The following CELF4 variants were observed in gnomAD, a reference collection of about 807,000 sequenced individuals.
CELF4 encodes CUGBP Elav-like family member 4.
A neutral mutation model predicts 59.9 loss-of-function variants in CELF4; 18 were observed. The observed-to-expected ratio is 0.30, with a 90% CI of 0.21 to 0.45. CELF4 has a LOEUF of 0.45. Among genes scored for constraint, CELF4 ranks in the 20% least tolerant of loss-of-function variants. The pLI is 1.00. For missense variants in CELF4, 456 were observed against 689.0 expected, an observed-to-expected ratio of 0.66 and a Z score of 3.79; for synonymous variants, 261 against 267.1, an observed-to-expected ratio of 0.98 and a Z score of 0.22.
chr18:37,278,289 A>G (rs2093656424), intron 3 of CELF4, among the ~76,000 whole-genome samples: 1 of 152,186 alleles, frequency 6.6e-6, no homozygotes, highest in African/African-American at 2.4e-5. Flanking sequence ...GATACCAAAG[A>G]CACCCAGCTT....
At chr18:37,250,762 A>G (rs2064999711) in intron 12 of CELF4, among the ~76,000 whole-genome samples, 1 of 152,148 alleles carries the variant, frequency 6.6e-6, no homozygotes, top group African/African-American at 2.4e-5. Context: ...GAAGCTCTCT[A>G]TCTCTTCTTA....
At chr18:37,560,833 T>C (rs1219937164) in intron 1 of CELF4, among the ~76,000 whole-genome samples, 1 of 152,122 alleles carries the variant, frequency 6.6e-6, no homozygotes, top group African/African-American at 2.4e-5. Context: ...CAACGAACCA[T>C]CTTGGGTAAA....
chr18:37,492,194 C>G (rs772851752), intron 1 of CELF4, among the ~76,000 whole-genome samples: 3 of 152,190 alleles, frequency 2.0e-5, no homozygotes, highest in South Asian at 4.1e-4. Flanking sequence ...GAAAGCTGGG[C>G]GGTGGGGAAT....
chr18:37,441,912 G>A (rs923684892), intron 2 of CELF4, among the ~76,000 whole-genome samples: 1 of 151,958 alleles, frequency 6.6e-6, no homozygotes, highest in Non-Finnish European at 1.5e-5. Flanking sequence ...GACCCTAGAT[G>A]ACACGGTGCG....
intron 2 of CELF4, among the ~76,000 whole-genome samples, chr18:37,376,260 C>T (rs2098967672): frequency 6.6e-6 from 1 of 152,128 alleles, no homozygotes; most frequent in Admixed American, 6.5e-5. Context: ...ATCTACCTTT[C>T]AAGAGGCCAA....
intron 10 of CELF4, among the ~76,000 whole-genome samples, chr18:37,261,046 G>C (rs2074011905): frequency 1.3e-5 from 2 of 152,006 alleles, no homozygotes; most frequent in South Asian, 4.2e-4. Flanking sequence ...ATGTGCCCTT[G>C]GTGGCCCCCA....
At chr18:37,396,678 G>T (rs1196087227) in intron 2 of CELF4, among the ~76,000 whole-genome samples, 1 of 152,134 alleles carries the variant, frequency 6.6e-6, no homozygotes, top group African/African-American at 2.4e-5. Flanking sequence ...TGGATGAGGC[G>T]GGTGACTGGA....
chr18:37,557,547 G>T (rs1376894192), intron 1 of CELF4, among the ~76,000 whole-genome samples: 1 of 152,226 alleles, frequency 6.6e-6, no homozygotes, highest in African/African-American at 2.4e-5. Context: ...TTGTTCAAAA[G>T]ATGTGTTAAG....
At chr18:37,352,459 A>G (rs527665021) in intron 2 of CELF4, among the ~76,000 whole-genome samples, 1 of 152,198 alleles carries the variant, frequency 6.6e-6, no homozygotes, top group African/African-American at 2.4e-5. Flanking sequence ...CCTGGGCAAT[A>G]TAGTGAGACC....
In CELF4 at chr18:37,243,834, A is replaced by G; in HGVS notation, c.*1408T>C. 1 of 170,516 alleles carries G rather than the reference A, an allele frequency of 5.9e-6. No individual in the cohort carries two copies. Among genetic ancestry groups the G allele is most frequent in the East Asian group, 1.5e-4 (1 of 6,680 alleles). 10.6% of individuals were successfully genotyped at this position (170,516 alleles called of 1,614,324 possible). On this transcript the variant is annotated 3_prime_UTR_variant, in exon 13 of 13. Transcript: ENST00000420428. ...CCTTGCCCGGAAAGTCTCTGGAGCA[A>G]GCGTGGAAGGCGAGTGAAGCGGAAG...
At chr18:37,324,064 C>A (rs1380521671) in intron 2 of CELF4, among the ~76,000 whole-genome samples, 2 of 152,082 alleles carry the variant, frequency 1.3e-5, no homozygotes, top group Non-Finnish European at 2.9e-5. Flanking sequence ...CAAAATCTGG[C>A]CCCACCACCT....
chr18:37,321,128 G>A (rs2097102116), intron 3 of CELF4, among the ~76,000 whole-genome samples: 1 of 152,156 alleles, frequency 6.6e-6, no homozygotes, highest in Non-Finnish European at 1.5e-5. Flanking sequence ...CCAAGAGGAT[G>A]CTGTCACTTG....
At chr18:37,480,623 G>T (rs1255364837) in intron 2 of CELF4, among the ~76,000 whole-genome samples, 2 of 152,198 alleles carry the variant, frequency 1.3e-5, no homozygotes, top group Non-Finnish European at 2.9e-5. Flanking sequence ...GACTGTCAGG[G>T]AGGGAGATGG....
intron 3 of CELF4, among the ~76,000 whole-genome samples, chr18:37,320,335 C>CAAA (rs397858112): frequency 6.1e-5 from 4 of 65,222 alleles, no homozygotes; most frequent in African/African-American, 5.9e-5. Flanking sequence ...GACTCCATCT[C>CAAA]AAAAAAAAAA....
At chr18:37,510,811 C>T (rs1257635194) in intron 1 of CELF4, among the ~76,000 whole-genome samples, 1 of 152,224 alleles carries the variant, frequency 6.6e-6, no homozygotes, top group East Asian at 1.9e-4. Context: ...CCCCCTTTCA[C>T]CACATAACAG....
chr18:37,272,572 G>A (rs938139413), intron 7 of CELF4, among the ~76,000 whole-genome samples: 214 of 104,820 alleles, frequency 2.0e-3, no homozygotes, highest in Non-Finnish European at 2.5e-3. Context: ...AAAGGGAAAT[G>A]AAAAAAAAAA....
At chr18:37,296,869 C>A (rs552301866) in intron 3 of CELF4, among the ~76,000 whole-genome samples, 1 of 152,142 alleles carries the variant, frequency 6.6e-6, no homozygotes, top group Non-Finnish European at 1.5e-5. Context: ...TAGCAGTGAA[C>A]AGGAGGACGC....
intron 2 of CELF4, among the ~76,000 whole-genome samples, chr18:37,380,126 G>A (rs148080896): frequency 7.2e-5 from 11 of 152,224 alleles, no homozygotes; most frequent in South Asian, 2.1e-4. Flanking sequence ...TGAATTACTG[G>A]TGCCAGGCTG....
At chr18:37,561,012 AGGTAT>A (rs2099986360) in intron 1 of CELF4, among the ~76,000 whole-genome samples, 2 of 152,282 alleles carry the variant, frequency 1.3e-5, no homozygotes, top group South Asian at 4.1e-4. Context: ...TTTCCTATTC[AGGTAT>A]AGTTGAAATA....
Sources: allele counts gnomAD v4.1 joint callset (sites outside exome capture counted in the v4.1 genomes callset), GRCh38; gene constraint gnomAD v4.1.1; transcripts MANE v1.5; gene names NCBI Gene and HGNC (gene_info 2026-07-23, HGNC 2026-07-21).